GID8: variants seen among roughly 807,000 people sequenced by gnomAD.
GID8 encodes the protein glucose-induced degradation protein 8 homolog.
A neutral mutation model predicts 27.4 loss-of-function variants in GID8; 6 were observed. That is an observed-to-expected ratio of 0.22 (90% confidence interval 0.12 to 0.43). The LOEUF is 0.43. Ranked by LOEUF, GID8 falls within the 20% of genes least tolerant of loss-of-function variation. GID8 has a pLI of 1.00. For missense variants in GID8, 173 were observed against 287.6 expected (o/e 0.60, Z 2.88); for synonymous variants, 112 against 109.0 (o/e 1.03, Z -0.17).
chr20:62,939,685 G>A (rs753364459), intron 1 of GID8, among the ~76,000 whole-genome samples: 45 of 152,028 alleles, frequency 3.0e-4, no homozygotes, highest in Non-Finnish European at 4.1e-4. Context: ...CATTGACTCT[G>A]GCCAAAGCAT....
In GID8 at chr20:62,941,525, A is replaced by T; in HGVS notation, c.23A>T (p.Asp8Val). ...AGAATGAGTTATGCAGAAAAACCCG[A>T]TGAAATCACGAAAGATGAGTGGATG... MSYAEKP[D>V]EITKDEWMEK... The change falls in exon 2 of 5, where the codon GAT (aspartate) becomes GTT (valine). Residue 8 changes from aspartate to valine, a missense_variant. Transcript: ENST00000266069. The T allele has an allele frequency of 6.2e-7, 1 of 1,611,284 alleles. No homozygotes were observed. Among genetic ancestry groups the T allele is most frequent in the Middle Eastern group, 1.7e-4 (1 of 6,060 alleles).
rs1568904380 is a variant in GID8, at chr20:62,945,843, TG to T, written c.*932del. ...AGAGCCCCAGCAGGTGGTGCACGAC[TG>T]TTGGCGGAAGGAACGCGTGTTCATC... On this transcript the variant is annotated 3_prime_UTR_variant, in exon 5 of 5. Transcript: ENST00000266069. The T allele has an allele frequency of 7.8e-7, 1 of 1,289,788 alleles. No homozygotes were observed. The highest frequency in any genetic ancestry group is 1.0e-6 in the Non-Finnish European group (1 of 988,850). 79.9% of individuals were successfully genotyped at this position (1,289,788 alleles called of 1,614,324 possible).
At position 62,945,860 on chromosome 20, in the gene GID8, C is replaced by T. The variant is rs542427059; in HGVS notation, c.*948C>T. The T allele has an allele frequency of 1.9e-5, 24 of 1,289,748 alleles. No homozygotes were observed. The South Asian group carries it at 2.8e-4, about 15-fold the overall frequency. 79.9% of individuals were successfully genotyped at this position (1,289,748 alleles called of 1,614,324 possible). A position where few individuals can be genotyped will look rare whatever the true frequency, so the allele number is the denominator to read the frequency against. ...TGCACGACTGTTGGCGGAAGGAACGCGTGTTCATCCTCAGTGATCTGCCCT... is the reference window on the plus strand; with the variant it reads ...TGCACGACTGTTGGCGGAAGGAACGTGTGTTCATCCTCAGTGATCTGCCCT... On this transcript the variant is annotated 3_prime_UTR_variant, in exon 5 of 5. Coordinates refer to ENST00000266069, the MANE Select transcript of GID8 (RefSeq NM_017896.3).
chr20:62,943,301 G>C lies in GID8; in HGVS notation c.315+118G>C. The C allele has an allele frequency of 2.0e-6, 2 of 977,680 alleles. No individual in the cohort carries two copies. The highest frequency in any genetic ancestry group is 3.1e-6 in the Non-Finnish European group (2 of 648,568). The allele number at this position is 977,680 out of a possible 1,614,324, so 60.6% of individuals were successfully genotyped here. ...AATAATGTTATTTCAATGCATGTGAGGGGGAGAGGTTTGAGTTTGCTCTTT... is the reference window on the plus strand; with the variant it reads ...AATAATGTTATTTCAATGCATGTGACGGGGAGAGGTTTGAGTTTGCTCTTT... On this transcript the variant is annotated intron_variant, in intron 3 of 4. Coordinates refer to ENST00000266069, the MANE Select transcript of GID8 (RefSeq NM_017896.3). This position sits in a 1 kb window ranked among gnomAD's most constrained non-coding sequence, Gnocchi z 4.7.
Position 62,943,042 on chromosome 20 carries a change from T to C in GID8, c.174T>C (p.Ser58=), listed in dbSNP as rs1251689766. 1.9e-6 allele frequency: 3 copies of C among 1,614,096 alleles called. No individual in the cohort carries two copies. ...GAATGGAATCTGGAATCGAACCTAG[T>C]GTGGATCTGGAAACACTTGATGAAC... is the stretch of plus-strand genomic sequence containing the variant. The part of the protein sequence containing the change: ...KFRMESGIEP[S]VDLETLDERI... The change falls in exon 3 of 5, where the codon AGT becomes AGC. Residue 58 remains serine, a synonymous_variant. Transcript: ENST00000266069. This position sits in a 1 kb window ranked among gnomAD's most constrained non-coding sequence, Gnocchi z 4.7.
intron 4 of GID8, among the ~76,000 whole-genome samples, chr20:62,944,202 C>T (rs1485028570): frequency 6.6e-6 from 1 of 152,140 alleles, no homozygotes; most frequent in Non-Finnish European, 1.5e-5. Flanking sequence ...GTATTCACAC[C>T]CTTTGCTGGT....
Position 62,943,070 on chromosome 20 carries a change from A to G in GID8, c.202A>G (p.Ile68Val). ...SVDLETLDER[I>V]KIREMILKGQ... ...GGATCTGGAAACACTTGATGAACGAATCAAGATCCGGGAGATGATACTGAA... is the reference window on the plus strand; with the variant it reads ...GGATCTGGAAACACTTGATGAACGAGTCAAGATCCGGGAGATGATACTGAA... Residue 68 changes from isoleucine (I) to valine (V), a missense_variant, in exon 3 of 5, where the codon ATC (isoleucine) becomes GTC (valine). Physicochemically the swap from Ile to Val is conservative, Grantham distance 29. Transcript: ENST00000266069. This position sits in a 1 kb window ranked among gnomAD's most constrained non-coding sequence, Gnocchi z 4.7. The G allele has an allele frequency of 6.2e-7, 1 of 1,613,988 alleles. No homozygotes were observed. Among genetic ancestry groups the G allele is most frequent in the Non-Finnish European group, 8.5e-7 (1 of 1,179,858 alleles).
chr20:62,941,400 G>T (rs2065443041), intron 1 of GID8, 91 bp from the exon 2 acceptor site: 1 of 729,156 alleles, frequency 1.4e-6, no homozygotes, highest in Admixed American at 2.0e-5. Context: ...GCTCAGTGTG[G>T]GATTCTCCGG....
chr20:62,938,181 T>G lies in GID8; in HGVS notation c.-85T>G. 4.7e-6 allele frequency: 1 copy of G among 212,916 alleles called. No homozygotes were observed. Among genetic ancestry groups the G allele is most frequent in the Non-Finnish European group, 9.2e-6 (1 of 108,188 alleles). 13.2% of individuals were successfully genotyped at this position (212,916 alleles called of 1,614,324 possible). On this transcript the variant is annotated 5_prime_UTR_variant, in exon 1 of 5. Coordinates refer to ENST00000266069, the MANE Select transcript of GID8 (RefSeq NM_017896.3). ...CTCGGGCGCCCCGGCGGCCGCCACCTCTCCCCAGCCCAGGAGAGGCTGCGG... is the reference window on the plus strand; with the variant it reads ...CTCGGGCGCCCCGGCGGCCGCCACCGCTCCCCAGCCCAGGAGAGGCTGCGG...
rs2065462347 is a variant in GID8, at chr20:62,945,474, G to A, written c.*562G>A. On this transcript the variant is annotated 3_prime_UTR_variant, in exon 5 of 5. Transcript: ENST00000266069. ...TTGTTTTCCCTTTGGTCTGGGTTGT[G>A]TGGCTTTTGGGGGATGCGTGTGAGG... The A allele has an allele frequency of 9.8e-7, 1 of 1,016,024 alleles. No individual in the cohort carries two copies. Among genetic ancestry groups the A allele is most frequent in the Non-Finnish European group, 1.2e-6 (1 of 847,736 alleles). The allele number at this position is 1,016,024 out of a possible 1,614,324, so 62.9% of individuals were successfully genotyped here.
chr20:62,945,701 CCCCCT>C lies in GID8; in HGVS notation c.*790_*794del, dbSNP rs2065463367. ...GACCTTTTGTCTTTGGGGCGTTCTT[CCCCCT>C]GTGATAGCGGCAGTGGCTTTTTCTG... On this transcript the variant is annotated 3_prime_UTR_variant, in exon 5 of 5. Transcript: ENST00000266069. 16 of 1,190,308 alleles carry C rather than the reference CCCCCT, an allele frequency of 1.3e-5. No homozygotes were observed. In the Admixed American group the frequency reaches 5.5e-4, roughly 41 times the overall value. 73.7% of individuals were successfully genotyped at this position (1,190,308 alleles called of 1,614,324 possible).
At chr20:62,939,431 C>G (rs1483984685) in intron 1 of GID8, among the ~76,000 whole-genome samples, 1 of 151,152 alleles carries the variant, frequency 6.6e-6, no homozygotes, top group Non-Finnish European at 1.5e-5. Flanking sequence ...GCCCCCCCCG[C>G]CCCTTATTTC....
At position 62,946,111 on chromosome 20, in the gene GID8, C is replaced by G. The variant is rs1028949366; in HGVS notation, c.*1199C>G. ...CAGCGGACCACCGGGCACTGTTGAC[C>G]CCACTGAGCAGTGCTAAGTGTTGGT... is the stretch of plus-strand genomic sequence containing the variant. On this transcript the variant is annotated 3_prime_UTR_variant, in exon 5 of 5. Coordinates refer to ENST00000266069, the MANE Select transcript of GID8 (RefSeq NM_017896.3). The G allele has an allele frequency of 3.0e-6, 3 of 983,916 alleles. No individual in the cohort carries two copies. Among genetic ancestry groups the G allele is most frequent in the Non-Finnish European group, 4.2e-6 (3 of 718,472 alleles). The allele number at this position is 983,916 out of a possible 1,614,324, so 60.9% of individuals were successfully genotyped here.
At position 62,946,298 on chromosome 20, in the gene GID8, G is replaced by C; in HGVS notation, c.*1386G>C. On this transcript the variant is annotated 3_prime_UTR_variant, in exon 5 of 5. Coordinates refer to ENST00000266069, the MANE Select transcript of GID8 (RefSeq NM_017896.3). ...ATCTCGACAAGCATGGTCTAGGTCT[G>C]GTGGCCAGCTTGCCAGTACCTGAGC... The C allele has an allele frequency of 6.7e-6, 2 of 298,854 alleles. No homozygotes were observed. Among genetic ancestry groups the C allele is most frequent in the Non-Finnish European group, 1.3e-5 (2 of 150,302 alleles). The allele number at this position is 298,854 out of a possible 1,614,324, so 18.5% of individuals were successfully genotyped here.
rs1204732345 is a variant in GID8, at chr20:62,945,917, G to A, written c.*1005G>A. ...TCTCGGCAGCATCTCATCCTCCATC[G>A]TCAGCTGGCTCTGCCGATGTCCTGC... On this transcript the variant is annotated 3_prime_UTR_variant, in exon 5 of 5. Transcript: ENST00000266069. 9.3e-6 allele frequency: 12 copies of A among 1,289,470 alleles called. No homozygotes were observed. The highest frequency in any genetic ancestry group is 2.5e-5 in the South Asian group (2 of 81,032). The allele number at this position is 1,289,470 out of a possible 1,614,324, so 79.9% of individuals were successfully genotyped here.
rs920355355 is a variant in GID8 at position 62,943,198 on chromosome 20, A to G, written c.315+15A>G. On this transcript the variant is annotated intron_variant, in intron 3 of 4. Transcript: ENST00000266069. This position sits in a 1 kb window ranked among gnomAD's most constrained non-coding sequence, Gnocchi z 4.7. The stretch of plus-strand genomic sequence containing the variant: ...TCCATTTGCAGGTATGTTTCAGGAG[A>G]GAGTAGTCTGGTTTGTGAATACTTG... 5.1e-6 allele frequency: 8 copies of G among 1,577,040 alleles called. No individual in the cohort carries two copies. The African/African-American group carries it at 1.1e-4, about 21-fold the overall frequency.
At chr20:62,938,540 C>G (rs570798846) in intron 1 of GID8, 1 of 152,368 alleles carries the variant, frequency 6.6e-6, no homozygotes, top group Non-Finnish European at 1.5e-5. Flanking sequence ...GTAGCTGTCT[C>G]TGTGGAGGAG....
In GID8 at chr20:62,945,734, A is replaced by G; in HGVS notation, c.*822A>G. 1 of 1,209,186 alleles carries G rather than the reference A, an allele frequency of 8.3e-7. No homozygotes were observed. Among genetic ancestry groups the G allele is most frequent in the African/African-American group, 1.6e-5 (1 of 63,876 alleles). 74.9% of individuals were successfully genotyped at this position (1,209,186 alleles called of 1,614,324 possible). On this transcript the variant is annotated 3_prime_UTR_variant, in exon 5 of 5. Transcript: ENST00000266069. Reference sequence around the variant, plus strand: ...GATAGCGGCAGTGGCTTTTTCTGGTACCTGCAGCTGGAAAGGCCACTTGGC... The same window carrying G: ...GATAGCGGCAGTGGCTTTTTCTGGTGCCTGCAGCTGGAAAGGCCACTTGGC...
chr20:62,941,468 C>G, intron 1 of GID8, 23 bp from the exon 2 acceptor site: 1 of 1,337,634 alleles, frequency 7.5e-7, no homozygotes, highest in African/African-American at 1.4e-5. Flanking sequence ...ACCCCTCCCT[C>G]AGCTGTTATT....
Sources: allele counts gnomAD v4.1 joint callset (sites outside exome capture counted in the v4.1 genomes callset), GRCh38; gene constraint gnomAD v4.1.1; non-coding constraint Gnocchi (gnomAD v3.1); transcripts MANE v1.5; gene names NCBI Gene and HGNC (gene_info 2026-07-23, HGNC 2026-07-21).